Variants in SSBP2 observed in about 807,000 individuals in gnomAD.
SSBP2 encodes the protein single-stranded DNA-binding protein 2.
A neutral mutation model predicts 61.8 loss-of-function variants in SSBP2; 17 were observed. The ratio of observed to expected loss-of-function variants is 0.28; its 90% CI spans 0.19 to 0.41. The LOEUF (loss-of-function observed/expected upper bound fraction) is 0.41. Ranked by LOEUF, SSBP2 falls within the 10% of genes least tolerant of loss-of-function variation. The pLI is 1.00. For synonymous variants in SSBP2, 139 were observed against 141.3 expected (o/e 0.98, Z 0.12); for missense variants, 310 against 458.7 (o/e 0.68, Z 2.96).
intron 4 of SSBP2, among the ~76,000 whole-genome samples, chr5:81,613,763 A>G (rs1745692258): frequency 6.6e-6 from 1 of 152,206 alleles, no homozygotes; most frequent in Non-Finnish European, 1.5e-5. Flanking sequence ...TCTTAGTATA[A>G]GGAAAAGATG....
chr5:81,520,276 C>T (rs926737946), intron 4 of SSBP2, among the ~76,000 whole-genome samples: 4 of 152,130 alleles, frequency 2.6e-5, no homozygotes, highest in Admixed American at 6.5e-5. Flanking sequence ...TGAGCCACCA[C>T]GCCTGGTCTA....
chr5:81,653,962 C>G (rs183939883), intron 1 of SSBP2, among the ~76,000 whole-genome samples: 3 of 151,696 alleles, frequency 2.0e-5, no homozygotes, highest in African/African-American at 7.3e-5. Flanking sequence ...CTTCTCCAAA[C>G]TAAACTACTG....
chr5:81,501,268 T>TATATATACATAC (rs1205403428), intron 5 of SSBP2, among the ~76,000 whole-genome samples: 4 of 35,778 alleles, frequency 1.1e-4, no homozygotes, highest in Non-Finnish European at 2.1e-4. Flanking sequence ...TATATATATA[T>TATATATACATAC]ACACACACAC....
intron 1 of SSBP2, among the ~76,000 whole-genome samples, chr5:81,747,719 C>T (rs967261530): frequency 1.6e-4 from 24 of 151,964 alleles, no homozygotes; most frequent in Admixed American, 2.0e-4. Context: ...TTCAAGATAC[C>T]TCAGAGAAGA....
Position 81,417,160 on chromosome 5 carries a change from C to G in SSBP2, c.*3344G>C, listed in dbSNP as rs923963973. On this transcript the variant is annotated 3_prime_UTR_variant, in exon 17 of 17. Transcript: ENST00000320672. ...ATTACAGGCATGAGTGCCCAGGCGG[C>G]AATTGAGAAATCTTAACTTCGGATT... 1.3e-5 allele frequency: 2 copies of G among 152,100 alleles called. No individual in the cohort carries two copies. The highest frequency in any genetic ancestry group is 4.8e-5 in the African/African-American group (2 of 41,410). The allele number at this position is 152,100 out of a possible 1,614,324, so 9.4% of individuals were successfully genotyped here. A position where few individuals can be genotyped will look rare whatever the true frequency, so the allele number is the denominator to read the frequency against.
chr5:81,431,314 C>T (rs531786892), intron 15 of SSBP2, among the ~76,000 whole-genome samples: 3 of 152,178 alleles, frequency 2.0e-5, no homozygotes, highest in East Asian at 1.9e-4. Context: ...GTACTTTATT[C>T]CCTACTTTAA....
At chr5:81,558,009 C>T (rs1443744791) in intron 4 of SSBP2, among the ~76,000 whole-genome samples, 2 of 152,090 alleles carry the variant, frequency 1.3e-5, no homozygotes, top group African/African-American at 4.8e-5. Flanking sequence ...CCTTTTGATT[C>T]TTGCTTTTAA....
chr5:81,699,653 C>T (rs552726620), intron 1 of SSBP2, among the ~76,000 whole-genome samples: 186 of 152,248 alleles, frequency 1.2e-3, no homozygotes, highest in African/African-American at 4.1e-3. Context: ...GGTCTTGAAA[C>T]CCTCCAAGTC....
chr5:81,444,058 T>C (rs1434991023), intron 12 of SSBP2, among the ~76,000 whole-genome samples: 1 of 151,890 alleles, frequency 6.6e-6, no homozygotes, highest in African/African-American at 2.4e-5. Flanking sequence ...CTCATGTCAT[T>C]TATTGGTTGG....
chr5:81,605,439 C>G (rs1451922265), intron 4 of SSBP2, among the ~76,000 whole-genome samples: 1 of 152,090 alleles, frequency 6.6e-6, no homozygotes, highest in African/African-American at 2.4e-5. Context: ...AATAAATCAA[C>G]TCTAGTTCCC....
At chr5:81,628,247 C>A (rs564565636) in intron 3 of SSBP2, among the ~76,000 whole-genome samples, 2 of 152,162 alleles carry the variant, frequency 1.3e-5, no homozygotes, top group East Asian at 1.9e-4. Flanking sequence ...GAAAGCTGAG[C>A]GAAGGGGGAA....
At chr5:81,741,775 C>T (rs577587400) in intron 1 of SSBP2, among the ~76,000 whole-genome samples, 1 of 152,316 alleles carries the variant, frequency 6.6e-6, no homozygotes, top group South Asian at 2.1e-4. Context: ...CAAAAATCAG[C>T]TTTCACTCAT....
At chr5:81,473,658 G>T in intron 8 of SSBP2, 42 bp downstream of exon 8, 1 of 1,578,648 alleles carries the variant, frequency 6.3e-7, no homozygotes, top group Non-Finnish European at 8.7e-7. Context: ...ATTTGGGTTG[G>T]TTCCATATCT....
chr5:81,566,236 T>A (rs573398136), intron 4 of SSBP2, among the ~76,000 whole-genome samples: 9 of 152,298 alleles, frequency 5.9e-5, no homozygotes, highest in Non-Finnish European at 1.3e-4. Flanking sequence ...CATATAAGGT[T>A]CGTGATATGG....
At position 81,750,740 on chromosome 5, in the gene SSBP2, C is replaced by T. The variant is rs943876130; in HGVS notation, c.62+241G>A. The T allele has an allele frequency of 5.9e-5, 33 of 559,244 alleles. 1 individual carries two copies. The highest frequency in any genetic ancestry group is 5.2e-4 in the African/African-American group (26 of 49,938). 34.6% of individuals were successfully genotyped at this position (559,244 alleles called of 1,614,324 possible). A position where few individuals can be genotyped will look rare whatever the true frequency, so the allele number is the denominator to read the frequency against. ...TCCTCGCCACCAGCACCACCGCCGC[C>T]CCTCAACACACCCGGTCCCTCCCGC... On this transcript the variant is annotated intron_variant, in intron 1 of 16. Coordinates refer to ENST00000320672, the MANE Select transcript of SSBP2 (RefSeq NM_012446.5).
intron 1 of SSBP2, among the ~76,000 whole-genome samples, chr5:81,734,970 CAAAAAAAAAA>C (rs11350574): frequency 7.1e-5 from 5 of 70,526 alleles, no homozygotes; most frequent in African/African-American, 1.8e-4. Context: ...GACTCCATCT[CAAAAAAAAAA>C]AAAAAAAAAA....
At chr5:81,594,955 G>C (rs960342844) in intron 4 of SSBP2, among the ~76,000 whole-genome samples, 1 of 151,872 alleles carries the variant, frequency 6.6e-6, no homozygotes, top group Non-Finnish European at 1.5e-5. Context: ...GAGCAAACAC[G>C]TTCAAAAGCT....
In SSBP2 at chr5:81,480,144, A is replaced by G. The variant is rs186066397; in HGVS notation, c.433-5582T>C. 2.0e-5 allele frequency among the ~76,000 whole-genome samples: 3 copies of G among 152,364 alleles called. No homozygotes were observed. In the East Asian group the frequency reaches 5.8e-4, roughly 29 times the overall value. On this transcript the variant is annotated intron_variant, in intron 6 of 16. Transcript: ENST00000320672. ...AATAAATGAAATAGTATAAAAATTT[A>G]TTAAAACAAATAATTAAATGGGGGA...
At chr5:81,476,106 T>C (rs1765572672) in intron 6 of SSBP2, among the ~76,000 whole-genome samples, 1 of 152,070 alleles carries the variant, frequency 6.6e-6, no homozygotes, top group South Asian at 2.1e-4. Context: ...ATATCTATTA[T>C]CATAAATCTT....
Sources: gnomAD v4.1 joint callset for allele counts (sites outside exome capture counted in the v4.1 genomes callset) on GRCh38, gnomAD v4.1.1 for gene constraint, MANE v1.5 for transcripts, NCBI Gene and HGNC (gene_info 2026-07-23, HGNC 2026-07-21) for gene names.